The following CCSER1 variants were observed in gnomAD, a reference collection of about 807,000 sequenced individuals.
CCSER1 encodes the protein coiled-coil serine rich protein 1, also known as serine-rich coiled-coil domain-containing protein 1.
In CCSER1, 41 loss-of-function variants were observed where a neutral mutation model predicts 82.0. The observed-to-expected ratio is 0.50, with a 90% CI of 0.39 to 0.65. The LOEUF is 0.65. CCSER1 is among the 30% of genes least tolerant of loss of function. The pLI is 0.00. For missense variants in CCSER1, 1,119 were observed against 1,064.2 expected, an observed-to-expected ratio of 1.05 and a Z score of -0.72; for synonymous variants, 414 against 383.9, an observed-to-expected ratio of 1.08 and a Z score of -0.92.
chr4:90,815,721 AG>A, intron 7 of CCSER1, 40 bp from the exon 8 acceptor site: 1 of 1,401,842 alleles, frequency 7.1e-7, no homozygotes, highest in Non-Finnish European at 9.7e-7. Flanking sequence ...GCAAAGTAAA[AG>A]GGCTAAGCCT....
rs531156324 is a variant in CCSER1, at chr4:91,042,858, T to C, written c.2173-43092T>C. ...AAAATCTATGGCGGCTAGCAAAGTA[T>C]TCTTGAAAACAAAGATCTCTGCATT... On this transcript the variant is annotated intron_variant, in intron 9 of 10. Transcript: ENST00000509176. Among the ~76,000 whole-genome samples the C allele has an allele frequency of 1.4e-4, 21 of 152,304 alleles. No homozygotes were observed. The South Asian group carries it at 3.5e-3, about 26-fold the overall frequency.
rs72876110 is a variant in CCSER1 at position 90,158,588 on chromosome 4, T to G, written c.-42+30757T>G. ...TAAGCAAGCCTGGGCAATGGCGGGC[T>G]CCCCTCCCCAGCCTGGCTGCCGCCT... On this transcript the variant is annotated intron_variant, in intron 1 of 10. Transcript: ENST00000509176. Among the ~76,000 whole-genome samples, 3 of 152,070 alleles carry G rather than the reference T, an allele frequency of 2.0e-5. 1 individual carries two copies. Among genetic ancestry groups the G allele is most frequent in the African/African-American group, 7.2e-5 (3 of 41,468 alleles).
At chr4:90,472,595 C>A (rs542824539) in intron 5 of CCSER1, among the ~76,000 whole-genome samples, 6 of 152,168 alleles carry the variant, frequency 3.9e-5, no homozygotes, top group Admixed American at 2.6e-4. Flanking sequence ...ATCTAAAATT[C>A]ATCTTAATTC....
chr4:91,564,371 T>C (rs550034408), intron 10 of CCSER1, among the ~76,000 whole-genome samples: 2 of 152,114 alleles, frequency 1.3e-5, no homozygotes, highest in African/African-American at 4.8e-5. Flanking sequence ...ACATGTGTCA[T>C]CATAGTAGAA....
chr4:90,189,067 G>A lies in CCSER1; in HGVS notation c.-42+61236G>A, dbSNP rs553602994. 3.6e-3 allele frequency among the ~76,000 whole-genome samples: 545 copies of A among 152,062 alleles called. 3 individuals are homozygous for A. The highest frequency in any genetic ancestry group is 0.013 in the African/African-American group (521 of 41,504). On this transcript the variant is annotated intron_variant, in intron 1 of 10. Transcript: ENST00000509176. ...ATGGATGGCTATACTGTGGCTGACAGCAGGGTTGCAAAAATTAAGGTCATT... is the reference window on the plus strand; with the variant it reads ...ATGGATGGCTATACTGTGGCTGACAACAGGGTTGCAAAAATTAAGGTCATT...
chr4:91,034,217 T>C (rs1212310369), intron 9 of CCSER1, among the ~76,000 whole-genome samples: 1 of 152,204 alleles, frequency 6.6e-6, no homozygotes, highest in Non-Finnish European at 1.5e-5. Flanking sequence ...TTCAAGATGA[T>C]AGGAGGATCC....
intron 6 of CCSER1, among the ~76,000 whole-genome samples, chr4:90,672,042 T>C (rs144226818): frequency 1.3e-5 from 2 of 152,138 alleles, no homozygotes; most frequent in Non-Finnish European, 2.9e-5. Context: ...ATTAAACAGA[T>C]ATGTTGTTAT....
chr4:91,598,585 A>G lies in CCSER1; in HGVS notation c.2231A>G (p.Asn744Ser), dbSNP rs765139012. ...VQGGREATYR[N>S]RIVSQNLSTR... ...GTCTTACCATAGGCTACATATCGAA[A>G]TCGAATTGTGAGCCAAAATCTCAGC... Residue 744 changes from asparagine (N) to serine (S), a missense_variant, in exon 11 of 11, where the codon AAT becomes AGT. Physicochemically the swap from Asn to Ser is conservative, Grantham distance 46 (BLOSUM62 1). Transcript: ENST00000509176. 4 of 1,548,732 alleles carry G rather than the reference A, an allele frequency of 2.6e-6. No homozygotes were observed. In the South Asian group the frequency reaches 4.8e-5, roughly 18 times the overall value.
intron 10 of CCSER1, among the ~76,000 whole-genome samples, chr4:91,090,361 G>A (rs1037436185): frequency 6.6e-6 from 1 of 152,154 alleles, no homozygotes; most frequent in Non-Finnish European, 1.5e-5. Context: ...AGTCCTGGCG[G>A]AATTCTGGGT....
At chr4:91,226,421 G>A (rs1738211087) in intron 10 of CCSER1, among the ~76,000 whole-genome samples, 1 of 151,838 alleles carries the variant, frequency 6.6e-6, no homozygotes, top group African/African-American at 2.4e-5. Context: ...ATCTGAAAAT[G>A]AGTAACAGAG....
intron 4 of CCSER1, among the ~76,000 whole-genome samples, chr4:90,425,971 G>A (rs1235788790): frequency 6.6e-6 from 1 of 152,114 alleles, no homozygotes. Flanking sequence ...GGACATAGCA[G>A]TTTTGGTGGT....
intron 7 of CCSER1, among the ~76,000 whole-genome samples, chr4:90,782,350 T>G (rs999939121): frequency 6.6e-6 from 1 of 152,212 alleles, no homozygotes; most frequent in Non-Finnish European, 1.5e-5. Context: ...TAATATTTAT[T>G]GAACTCCTTC....
At position 91,387,629 on chromosome 4, in the gene CCSER1, A is replaced by G. The variant is rs377639560; in HGVS notation, c.2218-210943A>G. Among the ~76,000 whole-genome samples, 345 of 152,182 alleles carry G rather than the reference A, an allele frequency of 2.3e-3. 2 individuals are homozygous for G. Among genetic ancestry groups the G allele is most frequent in the African/African-American group, 7.6e-3 (316 of 41,560 alleles). ...TTTGGTCTCCATTTTCTTGTCTACA[A>G]GATGGGGCTACTAGGGCCTCTGTAC... On this transcript the variant is annotated intron_variant, in intron 10 of 10. Coordinates refer to ENST00000509176, the MANE Select transcript of CCSER1 (RefSeq NM_001145065.2).
Position 90,470,762 on chromosome 4 carries a change from C to CAAAA in CCSER1, c.1724+2424_1724+2427dup, listed in dbSNP as rs754754971. On this transcript the variant is annotated intron_variant, in intron 5 of 10. Transcript: ENST00000509176. Reference sequence around the variant, plus strand: ...AATTTCTCATTCCTTTTAATCAAAGCAAAAAAAAAAAAAAAAAAACAAAAC... The same window carrying CAAAA: ...AATTTCTCATTCCTTTTAATCAAAGCAAAAAAAAAAAAAAAAAAAAAAACAAAAC... 6.7e-3 allele frequency among the ~76,000 whole-genome samples: 477 copies of CAAAA among 71,166 alleles called. 22 individuals are homozygous for CAAAA. The highest frequency in any genetic ancestry group is 0.018 in the African/African-American group (348 of 19,180). The allele number at this position is 71,166 out of a possible 152,430, so 46.7% of individuals were successfully genotyped here.
chr4:90,614,549 C>T (rs1342039957), intron 5 of CCSER1, among the ~76,000 whole-genome samples: 2 of 152,116 alleles, frequency 1.3e-5, no homozygotes, highest in Non-Finnish European at 2.9e-5. Flanking sequence ...AGCCTTGTTG[C>T]TGATATGGAG....
intron 1 of CCSER1, among the ~76,000 whole-genome samples, chr4:90,284,496 T>TAC (rs1729490676): frequency 1.4e-4 from 5 of 36,048 alleles, no homozygotes; most frequent in African/African-American, 7.4e-4. Context: ...TTGAATTGAT[T>TAC]TTTTTTTTTT....
In CCSER1 at chr4:90,693,093, A is replaced by G. The variant is rs1206979828; in HGVS notation, c.1933-30821A>G. ...CGGATGAGGTTAAGGGTAAGGATGG[A>G]CTCACTAAATCTTACTCTATTCAGA... On this transcript the variant is annotated intron_variant, in intron 6 of 10. Coordinates refer to ENST00000509176, the MANE Select transcript of CCSER1 (RefSeq NM_001145065.2). Among the ~76,000 whole-genome samples, 3 of 151,922 alleles carry G rather than the reference A, an allele frequency of 2.0e-5. No individual in the cohort carries two copies. In the East Asian group the frequency reaches 5.8e-4, roughly 29 times the overall value.
chr4:90,803,776 G>A (rs917645904), intron 7 of CCSER1, among the ~76,000 whole-genome samples: 2 of 152,120 alleles, frequency 1.3e-5, no homozygotes, highest in Admixed American at 6.5e-5. Context: ...AGATCCTTGA[G>A]GAATCACCAC....
At chr4:91,532,562 TAG>T (rs1205779568) in intron 10 of CCSER1, among the ~76,000 whole-genome samples, 2 of 152,210 alleles carry the variant, frequency 1.3e-5, no homozygotes, top group African/African-American at 4.8e-5. Flanking sequence ...GTGTAATCAG[TAG>T]ACATATTTAT....
Sources: gnomAD v4.1 joint callset for allele counts (sites outside exome capture counted in the v4.1 genomes callset) on GRCh38, gnomAD v4.1.1 for gene constraint, MANE v1.5 for transcripts, NCBI Gene and HGNC (gene_info 2026-07-23, HGNC 2026-07-21) for gene names.